GPCPD1: variants seen among roughly 807,000 people sequenced by gnomAD.
The protein encoded by GPCPD1 is glycerophosphocholine phosphodiesterase GPCPD1.
In GPCPD1, 29 loss-of-function variants were observed where a neutral mutation model predicts 89.2. That is an observed-to-expected ratio of 0.33 (90% confidence interval 0.24 to 0.44). GPCPD1 has a LOEUF of 0.44. Among genes scored for constraint, GPCPD1 ranks in the 20% least tolerant of loss-of-function variants. GPCPD1 has a pLI of 1.00. For synonymous variants in GPCPD1, 258 were observed against 266.3 expected (o/e 0.97, Z 0.30); for missense variants, 594 against 808.9 (o/e 0.73, Z 3.22).
At chr20:5,600,063 C>A (rs1980017531) in intron 2 of GPCPD1, among the ~76,000 whole-genome samples, 1 of 152,208 alleles carries the variant, frequency 6.6e-6, no homozygotes, top group Admixed American at 6.5e-5. Flanking sequence ...AGATAATGAA[C>A]TGAGTCCAAC....
chr20:5,570,205 GA>G lies in GPCPD1; in HGVS notation c.1090del (p.Ser364GlnfsTer16). On this transcript the variant is annotated frameshift_variant, in exon 12 of 20. Transcript: ENST00000379019. LOFTEE classifies it high-confidence loss of function. The part of the protein sequence containing the change: ...AAFVEFDVHL[S>X]KDFVPVVYHD... ...ATATACCACGGGCACAAAGTCCTTT[GA>G]AAGGTGTACGTCAAATTCTACAAAG... The G allele has an allele frequency of 6.3e-7, 1 of 1,595,674 alleles. No homozygotes were observed. The highest frequency in any genetic ancestry group is 8.6e-7 in the Non-Finnish European group (1 of 1,164,090).
chr20:5,559,378 G>C (rs1157289335), intron 17 of GPCPD1, among the ~76,000 whole-genome samples: 1 of 152,212 alleles, frequency 6.6e-6, no homozygotes, highest in African/African-American at 2.4e-5. Flanking sequence ...TTGAGCCTAA[G>C]AGTTTGACAC....
intron 15 of GPCPD1, among the ~76,000 whole-genome samples, chr20:5,561,961 G>C (rs1986109939): frequency 6.6e-6 from 1 of 152,186 alleles, no homozygotes; most frequent in South Asian, 2.1e-4. Flanking sequence ...TGTTTAGATT[G>C]TTTTGAAGGT....
chr20:5,576,453 A>G (rs1978289160), intron 8 of GPCPD1, among the ~76,000 whole-genome samples: 1 of 151,990 alleles, frequency 6.6e-6, no homozygotes, highest in African/African-American at 2.4e-5. Context: ...CAACATTTTC[A>G]ATTTAAAGAT....
chr20:5,605,634 C>T (rs772297029), intron 1 of GPCPD1, among the ~76,000 whole-genome samples: 2 of 151,978 alleles, frequency 1.3e-5, no homozygotes, highest in Non-Finnish European at 2.9e-5. Flanking sequence ...CAAAATTAGC[C>T]GGGCGTGGTG....
At chr20:5,600,906 C>T (rs1384200726) in intron 2 of GPCPD1, among the ~76,000 whole-genome samples, 1 of 151,992 alleles carries the variant, frequency 6.6e-6, no homozygotes, top group African/African-American at 2.4e-5. Flanking sequence ...AGGAGAATCG[C>T]TTGAACCTGG....
chr20:5,598,680 G>A, intron 3 of GPCPD1, 45 bp downstream of exon 3: 1 of 1,115,420 alleles, frequency 9.0e-7, no homozygotes, highest in African/African-American at 1.5e-5. Flanking sequence ...AACATCATAA[G>A]GTTAATGTCA....
In GPCPD1 at chr20:5,601,703, A is replaced by C. The variant is rs917686492; in HGVS notation, c.49+2661T>G. Among the ~76,000 whole-genome samples the C allele has an allele frequency of 2.6e-5, 4 of 152,154 alleles. No individual in the cohort carries two copies. The South Asian group carries it at 6.2e-4, about 24-fold the overall frequency. Reference sequence around the variant, plus strand: ...TCTTAACAACAAAAAAAACTTCTTCATGGACTCGTTATTTCTCATCCCCCA... The same window carrying C: ...TCTTAACAACAAAAAAAACTTCTTCCTGGACTCGTTATTTCTCATCCCCCA... On this transcript the variant is annotated intron_variant, in intron 2 of 19. Transcript: ENST00000379019.
intron 15 of GPCPD1, among the ~76,000 whole-genome samples, chr20:5,562,095 C>T (rs1600725032): frequency 6.6e-6 from 1 of 152,226 alleles, no homozygotes; most frequent in South Asian, 2.1e-4. Context: ...ATCAGTGTAT[C>T]TAAACTAAAT....
intron 1 of GPCPD1, among the ~76,000 whole-genome samples, chr20:5,607,560 AGAGG>A (rs1338838823): frequency 1.3e-5 from 2 of 152,160 alleles, no homozygotes; most frequent in Non-Finnish European, 2.9e-5. Flanking sequence ...CCTGGGCAAC[AGAGG>A]GAGACTCCAT....
chr20:5,558,558 G>A lies in GPCPD1; in HGVS notation c.1668+126C>T, dbSNP rs1017245588. 2.5e-5 allele frequency: 14 copies of A among 567,340 alleles called. No individual in the cohort carries two copies. The South Asian group carries it at 2.7e-4, about 11-fold the overall frequency. 35.1% of individuals were successfully genotyped at this position (567,340 alleles called of 1,614,324 possible). On this transcript the variant is annotated intron_variant, in intron 18 of 19. Transcript: ENST00000379019. ...TCTAATATCCTCGTTTTTAAGTAGAGCCACTTGTTTGCTACAGTTTAGTCA... is the reference window on the plus strand; with the variant it reads ...TCTAATATCCTCGTTTTTAAGTAGAACCACTTGTTTGCTACAGTTTAGTCA...
In GPCPD1 at chr20:5,579,994, A is replaced by G. The variant is rs1385519095; in HGVS notation, c.473+14T>C. ...AAAACAAATAGCCTAAGTAACACATAAACATGGTCATACCTAAATCTAGAT... is the reference window on the plus strand; with the variant it reads ...AAAACAAATAGCCTAAGTAACACATGAACATGGTCATACCTAAATCTAGAT... On this transcript the variant is annotated intron_variant, in intron 7 of 19. Transcript: ENST00000379019. The G allele has an allele frequency of 2.0e-6, 3 of 1,514,936 alleles. No individual in the cohort carries two copies. The highest frequency in any genetic ancestry group is 2.7e-6 in the Non-Finnish European group (3 of 1,100,186). 93.8% of individuals were successfully genotyped at this position (1,514,936 alleles called of 1,614,324 possible).
At chr20:5,577,053 G>GTTT (rs752262748) in intron 8 of GPCPD1, among the ~76,000 whole-genome samples, 13 of 124,634 alleles carry the variant, frequency 1.0e-4, no homozygotes, top group East Asian at 2.5e-4. Flanking sequence ...AAAAAAAGTT[G>GTTT]TTTTTTTTTT....
intron 19 of GPCPD1, chr20:5,549,557 T>G: frequency 1.2e-6 from 1 of 846,770 alleles, no homozygotes; most frequent in East Asian, 3.4e-5. Context: ...TGGAGCTGAA[T>G]CAAAGCCTCT....
chr20:5,550,198 AAAAC>A (rs1985304697), intron 19 of GPCPD1, among the ~76,000 whole-genome samples: 2 of 151,710 alleles, frequency 1.3e-5, no homozygotes, highest in Non-Finnish European at 2.9e-5. Flanking sequence ...TCTCAAAAAA[AAAAC>A]AAACAAAGCA....
At chr20:5,561,228 C>G (rs1986059931) in intron 16 of GPCPD1, among the ~76,000 whole-genome samples, 1 of 152,206 alleles carries the variant, frequency 6.6e-6, no homozygotes, top group Non-Finnish European at 1.5e-5. Context: ...ATTGTTCACA[C>G]AAGACACATG....
At position 5,610,833 on chromosome 20, in the gene GPCPD1, C is replaced by G. The variant is rs913942739; in HGVS notation, c.-29+9G>C. On this transcript the variant is annotated intron_variant, in intron 1 of 19. Transcript: ENST00000379019. Reference sequence around the variant, plus strand: ...CCGCCCGGCCCCCGCACCCGGCTCGCTGCCTCACCTCCGGGTTCGCTAGTC... The same window carrying G: ...CCGCCCGGCCCCCGCACCCGGCTCGGTGCCTCACCTCCGGGTTCGCTAGTC... The G allele has an allele frequency of 1.5e-4, 23 of 151,418 alleles. No homozygotes were observed. The highest frequency in any genetic ancestry group is 4.0e-4 in the Admixed American group (6 of 15,166). The allele number at this position is 151,418 out of a possible 1,614,324, so 9.4% of individuals were successfully genotyped here.
At chr20:5,583,528 G>A (rs1448467834) in intron 6 of GPCPD1, among the ~76,000 whole-genome samples, 2 of 152,076 alleles carry the variant, frequency 1.3e-5, no homozygotes, top group African/African-American at 4.8e-5. Flanking sequence ...AGCCTGGGCG[G>A]GTGGGGGTAA....
intron 14 of GPCPD1, among the ~76,000 whole-genome samples, chr20:5,565,353 TC>T (rs1390941490): frequency 6.6e-6 from 1 of 151,894 alleles, no homozygotes; most frequent in Non-Finnish European, 1.5e-5. Flanking sequence ...AGCCTCAGAC[TC>T]CCGAGTAGCT....
Sources: allele counts gnomAD v4.1 joint callset (sites outside exome capture counted in the v4.1 genomes callset), GRCh38; gene constraint gnomAD v4.1.1; transcripts MANE v1.5; gene names NCBI Gene and HGNC (gene_info 2026-07-23, HGNC 2026-07-21).